Variants in FNBP1 observed in about 807,000 individuals in gnomAD.
FNBP1 encodes formin binding protein 1, also known as formin-binding protein 1.
A neutral mutation model predicts 90.6 loss-of-function variants in FNBP1; 26 were observed. That is an observed-to-expected ratio of 0.29 (90% CI 0.21 to 0.40). The LOEUF is 0.40. Among genes scored for constraint, FNBP1 ranks in the 10% least tolerant of loss-of-function variants. FNBP1 has a pLI of 1.00. For missense variants in FNBP1, 635 were observed against 768.0 expected (o/e 0.83, Z 2.05); for synonymous variants, 260 against 265.2 (o/e 0.98, Z 0.19).
intron 4 of FNBP1, among the ~76,000 whole-genome samples, chr9:129,962,893 A>AC (rs1038016235): frequency 3.6e-4 from 54 of 151,568 alleles, no homozygotes; most frequent in Admixed American, 1.3e-4. Context: ...TTCAGGGAGG[A>AC]CCCCCCAGAG....
At chr9:129,952,659 T>C (rs1486208061) in intron 6 of FNBP1, among the ~76,000 whole-genome samples, 1 of 152,202 alleles carries the variant, frequency 6.6e-6, no homozygotes, top group East Asian at 1.9e-4. Context: ...AAATAGACTT[T>C]AGGGGATTAA....
chr9:130,053,369 A>G, the FNBP1 span: 1 of 153,788 alleles, frequency 6.5e-6, no homozygotes, highest in South Asian at 1.8e-4. Context: ...AATTGTTCCA[A>G]AAATTAAATA....
At chr9:129,972,165 G>A (rs1352977103) in intron 4 of FNBP1, among the ~76,000 whole-genome samples, 1 of 152,084 alleles carries the variant, frequency 6.6e-6, no homozygotes, top group Admixed American at 6.6e-5. Context: ...ATGGAGTCTT[G>A]CTCGGTCGCC....
intron 16 of FNBP1, among the ~76,000 whole-genome samples, chr9:129,893,896 C>T (rs1308226231): frequency 2.4e-5 from 3 of 125,534 alleles, no homozygotes; most frequent in Non-Finnish European, 4.7e-5. Context: ...ATCCTGGCGA[C>T]AGAGCGAGAC....
intron 1 of FNBP1, among the ~76,000 whole-genome samples, chr9:130,005,190 C>T (rs1356803451): frequency 1.3e-5 from 2 of 149,200 alleles, no homozygotes; most frequent in African/African-American, 2.5e-5. Flanking sequence ...GAGCTGAGAT[C>T]GCACCACTAC....
rs1056721459 is a variant in FNBP1 at position 130,031,509 on chromosome 9, C to T, written c.24+11443G>A. Among the ~76,000 whole-genome samples, 8 of 152,186 alleles carry T rather than the reference C, an allele frequency of 5.3e-5. No homozygotes were observed. The highest frequency in any genetic ancestry group is 1.9e-4 in the East Asian group (1 of 5,194). ...TCCCGGAAGGCTCTGTCCAGATCCC[C>T]TCCACCCTTCTGAACACCCCACTTC... On this transcript the variant is annotated intron_variant, in intron 1 of 16. Transcript: ENST00000446176. The surrounding 1 kb of genome is among the most constrained non-coding windows in gnomAD (Gnocchi z 4.2).
chr9:130,032,208 C>G (rs931686623), intron 1 of FNBP1, among the ~76,000 whole-genome samples: 1 of 151,716 alleles, frequency 6.6e-6, no homozygotes, highest in African/African-American at 2.4e-5. Context: ...GCTCTGTCAC[C>G]CAGGCTGGAG....
In FNBP1 at chr9:130,038,398, T is replaced by TA. The variant is rs1397898056; in HGVS notation, c.24+4553_24+4554insT. 1.0e-4 allele frequency among the ~76,000 whole-genome samples: 13 copies of TA among 129,228 alleles called. No individual in the cohort carries two copies. The East Asian group carries it at 3.1e-3, about 30-fold the overall frequency. 84.8% of individuals were successfully genotyped at this position (129,228 alleles called of 152,430 possible). A position where few individuals can be genotyped will look rare whatever the true frequency, so the allele number is the denominator to read the frequency against. ...AAGACATACAATCAACACAGGTGGC[T>TA]CTTTTTTTTTTTTTTTTTTGAGACA... On this transcript the variant is annotated intron_variant, in intron 1 of 16. Coordinates refer to ENST00000446176, the MANE Select transcript of FNBP1 (RefSeq NM_015033.3).
intron 4 of FNBP1, among the ~76,000 whole-genome samples, chr9:129,967,189 A>C (rs1262523648): frequency 1.3e-5 from 2 of 152,286 alleles, no homozygotes; most frequent in East Asian, 3.9e-4. Flanking sequence ...GCAGACTGGA[A>C]TGGAACATGG....
chr9:130,043,255 G>C (rs1389320460), upstream of FNBP1: 2 of 283,206 alleles, frequency 7.1e-6, no homozygotes, highest in East Asian at 1.1e-4. Flanking sequence ...GGAGGGGCGG[G>C]GCCGGTCTGA....
chr9:129,971,544 C>T (rs975398086), intron 4 of FNBP1, among the ~76,000 whole-genome samples: 3 of 152,146 alleles, frequency 2.0e-5, no homozygotes, highest in African/African-American at 4.8e-5. Flanking sequence ...GCACATGCCA[C>T]CACGCCTGGT....
chr9:130,051,853 A>G, the FNBP1 span, among the ~76,000 whole-genome samples: 368 of 152,312 alleles, frequency 2.4e-3, 5 homozygotes, highest in Middle Eastern at 0.014. Flanking sequence ...TACTTGACTA[A>G]GAGAGTAAGG....
chr9:130,019,873 A>G (rs2057646700), intron 1 of FNBP1, among the ~76,000 whole-genome samples: 1 of 151,906 alleles, frequency 6.6e-6, no homozygotes, highest in African/African-American at 2.4e-5. Context: ...TGCTTATTTT[A>G]TCTATGCAAA....
chr9:129,944,338 C>T (rs979044250), intron 6 of FNBP1, among the ~76,000 whole-genome samples: 1 of 151,724 alleles, frequency 6.6e-6, no homozygotes, highest in Admixed American at 6.6e-5. Context: ...GTCAAGAGAT[C>T]GAGACCATCC....
intron 1 of FNBP1, among the ~76,000 whole-genome samples, chr9:130,029,828 G>A (rs1418700680): frequency 6.6e-6 from 1 of 151,566 alleles, no homozygotes; most frequent in African/African-American, 2.4e-5. Context: ...TACAAAAAAT[G>A]CAAAAATCAG....
At chr9:130,009,654 T>C (rs1378012900) in intron 1 of FNBP1, among the ~76,000 whole-genome samples, 2 of 151,980 alleles carry the variant, frequency 1.3e-5, no homozygotes, top group Non-Finnish European at 2.9e-5. Flanking sequence ...ATACAAAAAT[T>C]AGCTGGGTGT....
intron 10 of FNBP1, chr9:129,919,294 G>T: frequency 1.1e-6 from 1 of 934,118 alleles, no homozygotes; most frequent in African/African-American, 1.7e-5. Context: ...TTAACCATAA[G>T]ACTTTAACAT....
At chr9:129,989,023 C>G (rs1589105899) in intron 2 of FNBP1, among the ~76,000 whole-genome samples, 1 of 152,168 alleles carries the variant, frequency 6.6e-6, no homozygotes, top group Admixed American at 6.5e-5. Flanking sequence ...GCCACACTGG[C>G]CTTTCTATTC....
chr9:129,899,957 A>T lies in FNBP1; in HGVS notation c.1687+8T>A, dbSNP rs1292636554. ...AGGCAGGGGAATCCAGCAGACATGA[A>T]ATGTCACCTTCAAATGTGTAGAGAG... is the stretch of plus-strand genomic sequence containing the variant. On this transcript the variant is annotated splice_region_variant and intron_variant, in intron 15 of 16. Transcript: ENST00000446176. 3.8e-6 allele frequency: 6 copies of T among 1,578,498 alleles called. No homozygotes were observed. The highest frequency in any genetic ancestry group is 4.3e-6 in the Non-Finnish European group (5 of 1,162,296).
Sources: gnomAD v4.1 joint callset for allele counts (sites outside exome capture counted in the v4.1 genomes callset) on GRCh38, gnomAD v4.1.1 for gene constraint, Gnocchi (gnomAD v3.1) non-coding constraint, MANE v1.5 for transcripts, NCBI Gene and HGNC (gene_info 2026-07-23, HGNC 2026-07-21) for gene names.